FHDC1: variants seen among roughly 807,000 people sequenced by gnomAD.
FHDC1 encodes the protein FH2 domain containing 1.
A neutral mutation model predicts 52.6 loss-of-function variants in FHDC1; 25 were observed. The observed-to-expected ratio is 0.48, with a 90% CI of 0.35 to 0.66. The LOEUF is 0.66. Ranked by LOEUF, FHDC1 falls within the 30% of genes least tolerant of loss-of-function variation. FHDC1 has a pLI of 0.01. For missense variants in FHDC1, 1,459 were observed against 1,452.8 expected (o/e 1.00, Z -0.07); for synonymous variants, 616 against 581.5 (o/e 1.06, Z -0.85).
intron 2 of FHDC1, among the ~76,000 whole-genome samples, chr4:152,949,185 A>G (rs1739849991): frequency 6.7e-6 from 1 of 149,218 alleles, no homozygotes; most frequent in South Asian, 2.1e-4. Context: ...GAAGAAGAAA[A>G]TGGTTATGGA....
At chr4:152,972,602 C>T (rs1183465191) in intron 11 of FHDC1, 61 bp downstream of exon 11, 3 of 1,535,740 alleles carry the variant, frequency 2.0e-6, no homozygotes, top group African/African-American at 2.8e-5. Context: ...TTCTTCTCGA[C>T]CTAGTCATCT....
chr4:152,927,936 G>A, the FHDC1 span: 1 of 1,454,490 alleles, frequency 6.9e-7, no homozygotes, highest in Non-Finnish European at 9.7e-7. Context: ...AGCTCAGAGA[G>A]TGACAACAGT....
the FHDC1 span, among the ~76,000 whole-genome samples, chr4:152,921,324 T>C: frequency 1.3e-5 from 2 of 152,094 alleles, no homozygotes; most frequent in Non-Finnish European, 2.9e-5. Context: ...TGAGTATCCA[T>C]TATTTAACTT....
chr4:152,972,653 G>A, intron 11 of FHDC1, 112 bp downstream of exon 11: 5 of 1,276,652 alleles, frequency 3.9e-6, no homozygotes, highest in South Asian at 1.5e-5. Context: ...ACGGTTTCGG[G>A]GACATCTGGC....
chr4:152,960,815 A>T lies in FHDC1; in HGVS notation c.821A>T (p.Asp274Val), dbSNP rs141244256. 6.2e-6 allele frequency: 10 copies of T among 1,605,956 alleles called. No individual in the cohort carries two copies. The highest frequency in any genetic ancestry group is 1.8e-4 in the Middle Eastern group (1 of 5,498). Residue 274 changes from aspartate to valine, a missense_variant, in exon 6 of 12, where the codon GAT becomes GTT. By Grantham distance (152) the Asp-to-Val change is radical (BLOSUM62 -3). This residue lies in a region of FHDC1 where 513 missense variants were observed against 581.5 expected (regional missense o/e 0.88). Coordinates refer to ENST00000511601, the MANE Select transcript of FHDC1 (RefSeq NM_001371116.1). Reference sequence around the variant, plus strand: ...CCTTCTTGCTCTTCTCTATATACAGATATAACAGTTTTAAGAACTGCTATA... The same window carrying T: ...CCTTCTTGCTCTTCTCTATATACAGTTATAACAGTTTTAAGAACTGCTATA... ...FLPSCSSLYT[D>V]ITVLRTAIKE...
the FHDC1 span, among the ~76,000 whole-genome samples, chr4:152,919,944 CTTTTTTTTT>C: frequency 1.4e-5 from 1 of 70,300 alleles, no homozygotes; most frequent in Non-Finnish European, 2.7e-5. Context: ...TAGGGAAGTT[CTTTTTTTTT>C]TTTTTTTTTT....
chr4:152,929,615 G>A, the FHDC1 span, among the ~76,000 whole-genome samples: 10 of 152,104 alleles, frequency 6.6e-5, no homozygotes, highest in African/African-American at 2.2e-4. The surrounding 1 kb of genome is among the most constrained non-coding windows in gnomAD (Gnocchi z 4.1). Context: ...ATGAGTTCAG[G>A]GATCACCAGA....
At chr4:152,956,959 G>A (rs866047216) in intron 4 of FHDC1, among the ~76,000 whole-genome samples, 2 of 152,134 alleles carry the variant, frequency 1.3e-5, no homozygotes, top group African/African-American at 2.4e-5. Flanking sequence ...AGGGGGTCTC[G>A]GGGAAAGCCG....
the FHDC1 span, among the ~76,000 whole-genome samples, chr4:152,929,808 G>A: frequency 6.6e-6 from 1 of 152,162 alleles, no homozygotes; most frequent in Non-Finnish European, 1.5e-5. This position sits in a 1 kb window ranked among gnomAD's most constrained non-coding sequence, Gnocchi z 4.1. Context: ...GTAAAGGAGG[G>A]AATGCAAAGC....
In FHDC1 at chr4:152,975,352, C is replaced by G. The variant is rs1740823970; in HGVS notation, c.2061C>G (p.Ser687=). ...TGLAQFNLQG[S]QGMEETSQLT... is the part of the protein sequence containing the mutation. ...TGGCCCAGTTCAACCTCCAGGGTTC[C>G]CAGGGCATGGAGGAGACCTCCCAGC... is the stretch of plus-strand genomic sequence containing the variant. Residue 687 remains serine, a synonymous_variant, in exon 12 of 12, where the codon TCC becomes TCG. Coordinates refer to ENST00000511601, the MANE Select transcript of FHDC1 (RefSeq NM_001371116.1). 8.1e-6 allele frequency: 13 copies of G among 1,613,688 alleles called. No homozygotes were observed. Among genetic ancestry groups the G allele is most frequent in the Non-Finnish European group, 1.0e-5 (12 of 1,180,038 alleles).
At position 152,960,996 on chromosome 4, in the gene FHDC1, G is replaced by A; in HGVS notation, c.850+152G>A. 9.7e-6 allele frequency: 5 copies of A among 517,078 alleles called. No homozygotes were observed. The South Asian group carries it at 1.8e-4, about 19-fold the overall frequency. 32.0% of individuals were successfully genotyped at this position (517,078 alleles called of 1,614,324 possible). On this transcript the variant is annotated intron_variant, in intron 6 of 11. Transcript: ENST00000511601. The stretch of plus-strand genomic sequence containing the variant: ...AGATGTTACTAGGGATGCACTTAAG[G>A]TTGATTTCCATTGACATTTTTCCCC...
Position 152,943,332 on chromosome 4 carries a change from G to T in FHDC1, c.275G>T (p.Gly92Val), listed in dbSNP as rs776800177. ...CACATGAACGGCTACAGCCACCTTG[G>T]TAAGAAAAAGCGGATGAGAAGCTTT... ...TTHMNGYSHL[G>V]KKKRMRSFFW... The change falls in exon 2 of 12, where the codon GGT (glycine) becomes GTT (valine). Residue 92 changes from glycine to valine, a missense_variant. This residue lies in a region of FHDC1 where 513 missense variants were observed against 581.5 expected (regional missense o/e 0.88). Transcript: ENST00000511601. 6.2e-7 allele frequency: 1 copy of T among 1,612,902 alleles called. No individual in the cohort carries two copies. The highest frequency in any genetic ancestry group is 1.3e-5 in the African/African-American group (1 of 74,596).
At chr4:152,966,173 T>C (rs1740450214) in intron 9 of FHDC1, among the ~76,000 whole-genome samples, 1 of 152,250 alleles carries the variant, frequency 6.6e-6, no homozygotes, top group African/African-American at 2.4e-5. Flanking sequence ...CATTATATTT[T>C]TGAAATGGCG....
At chr4:152,926,579 T>TAA in the FHDC1 span, among the ~76,000 whole-genome samples, 7 of 129,068 alleles carry the variant, frequency 5.4e-5, no homozygotes, top group Non-Finnish European at 6.8e-5. Flanking sequence ...CTTGGTTAGT[T>TAA]AAAAAAAAAA....
chr4:152,970,573 TTTTCTGCAGTTGAGC>T (rs1472935692), intron 10 of FHDC1, among the ~76,000 whole-genome samples: 1 of 152,224 alleles, frequency 6.6e-6, no homozygotes, highest in Admixed American at 6.5e-5. Flanking sequence ...AGAGGCCTAT[TTTTCTGCAGTTGAGC>T]TGTTCTTGGC....
chr4:152,972,687 G>T (rs923547152), intron 11 of FHDC1, 146 bp downstream of exon 11: 4 of 992,068 alleles, frequency 4.0e-6, no homozygotes, highest in African/African-American at 3.3e-5. Context: ...CCAGGCTCTC[G>T]GCTGGGATTG....
At chr4:152,917,525 C>T in the FHDC1 span, among the ~76,000 whole-genome samples, 5 of 152,094 alleles carry the variant, frequency 3.3e-5, no homozygotes, top group African/African-American at 1.2e-4. Context: ...TTCCCCACCC[C>T]ATCTCAGATA....
At chr4:152,951,146 AT>A in intron 2 of FHDC1, among the ~76,000 whole-genome samples, 1 of 152,340 alleles carries the variant, frequency 6.6e-6, no homozygotes, top group South Asian at 2.1e-4. Flanking sequence ...CATGAAAGGA[AT>A]ACGAAACAAG....
upstream of FHDC1, among the ~76,000 whole-genome samples, chr4:152,934,451 C>A (rs888906785): frequency 6.6e-6 from 1 of 152,126 alleles, no homozygotes; most frequent in African/African-American, 2.4e-5. Flanking sequence ...CGGAGATATA[C>A]CTTGAAGCTC....
Sources: gnomAD v4.1 joint callset for allele counts (sites outside exome capture counted in the v4.1 genomes callset) on GRCh38, gnomAD v4.1.1 for gene constraint, gnomAD v4.1.1 regional missense constraint, Gnocchi (gnomAD v3.1) non-coding constraint, MANE v1.5 for transcripts, NCBI Gene and HGNC (gene_info 2026-07-23, HGNC 2026-07-21) for gene names.